SNTG1: variants seen among roughly 807,000 people sequenced by gnomAD.
SNTG1 encodes syntrophin gamma 1, also known as gamma-1-syntrophin.
SNTG1 carries 39 observed loss-of-function variants against 74.7 expected under a neutral mutation model. That is an observed-to-expected ratio of 0.52 (90% CI 0.40 to 0.68). SNTG1 has a LOEUF of 0.68. SNTG1 is among the 30% of genes least tolerant of loss of function. The pLI, the probability that SNTG1 is intolerant of heterozygous loss-of-function variation, is 0.00. For missense variants in SNTG1, 685 were observed against 609.5 expected (o/e 1.12, Z -1.30); for synonymous variants, 254 against 217.1 (o/e 1.17, Z -1.49).
intron 13 of SNTG1, among the ~76,000 whole-genome samples, chr8:50,651,970 G>A (rs568971448): frequency 2.7e-5 from 4 of 145,700 alleles, no homozygotes; most frequent in African/African-American, 5.1e-5. Context: ...GGGTGGTCTC[G>A]AACCCCCGAC....
chr8:50,023,591 A>G (rs979635343), intron 1 of SNTG1, among the ~76,000 whole-genome samples: 18 of 152,120 alleles, frequency 1.2e-4, no homozygotes, highest in Non-Finnish European at 2.4e-4. Flanking sequence ...ATTTCATGCC[A>G]TTCCTGAAAT....
chr8:50,314,891 T>C (rs1161967598), intron 2 of SNTG1, among the ~76,000 whole-genome samples: 1 of 149,816 alleles, frequency 6.7e-6, no homozygotes, highest in East Asian at 2.0e-4. Context: ...GGTGAACTTT[T>C]CTGTCTACTA....
chr8:50,512,012 G>T lies in SNTG1; in HGVS notation c.466+9132G>T, dbSNP rs185267308. On this transcript the variant is annotated intron_variant, in intron 9 of 18. Coordinates refer to ENST00000642720, the MANE Select transcript of SNTG1 (RefSeq NM_018967.5). The stretch of plus-strand genomic sequence containing the variant: ...GTTGATGCAGTTTCTTCCTAGCCTC[G>T]ATGGTCTTTACAATTTGGCATGTTT... Among the ~76,000 whole-genome samples, 762 of 152,102 alleles carry T rather than the reference G, an allele frequency of 5.0e-3. 5 individuals are homozygous for T. Among genetic ancestry groups the T allele is most frequent in the Middle Eastern group, 6.9e-3 (2 of 290 alleles).
intron 9 of SNTG1, among the ~76,000 whole-genome samples, chr8:50,518,648 T>C (rs1225358084): frequency 1.3e-5 from 2 of 151,882 alleles, no homozygotes; most frequent in Non-Finnish European, 2.9e-5. Context: ...CAGAAATATA[T>C]TACTACTATC....
intron 8 of SNTG1, among the ~76,000 whole-genome samples, chr8:50,452,903 G>A (rs1329470883): frequency 1.3e-5 from 2 of 152,168 alleles, no homozygotes; most frequent in African/African-American, 4.8e-5. Flanking sequence ...GCAGAAAAAG[G>A]TATAACAAGC....
chr8:50,068,110 G>A (rs781200560), intron 1 of SNTG1, among the ~76,000 whole-genome samples: 8 of 152,160 alleles, frequency 5.3e-5, no homozygotes, highest in Non-Finnish European at 1.0e-4. Flanking sequence ...CATAATAGAT[G>A]TAAAGGAACA....
At chr8:50,071,623 C>T (rs1170364348) in intron 1 of SNTG1, among the ~76,000 whole-genome samples, 1 of 151,872 alleles carries the variant, frequency 6.6e-6, no homozygotes, top group African/African-American at 2.4e-5. Context: ...GGATTATAGG[C>T]TCACACCACC....
intron 13 of SNTG1, among the ~76,000 whole-genome samples, chr8:50,604,598 G>C (rs2094799126): frequency 6.6e-6 from 1 of 152,038 alleles, no homozygotes; most frequent in African/African-American, 2.4e-5. Flanking sequence ...GCTCTTCAGT[G>C]TGCTTGTGGT....
intron 4 of SNTG1, among the ~76,000 whole-genome samples, chr8:50,430,917 A>G (rs2093227617): frequency 1.3e-5 from 2 of 152,162 alleles, no homozygotes; most frequent in African/African-American, 4.8e-5. Context: ...TCTTCACACC[A>G]TACCCTGATG....
intron 8 of SNTG1, among the ~76,000 whole-genome samples, chr8:50,484,014 A>G (rs1395862962): frequency 6.6e-6 from 1 of 152,178 alleles, no homozygotes; most frequent in Non-Finnish European, 1.5e-5. Context: ...ATGTGGTTAT[A>G]TCAAATATGT....
chr8:50,599,377 T>G (rs1382711642), intron 13 of SNTG1, among the ~76,000 whole-genome samples: 1 of 152,080 alleles, frequency 6.6e-6, no homozygotes, highest in African/African-American at 2.4e-5. Flanking sequence ...ATTTTAGGAT[T>G]GTTTTTCTAT....
Position 50,394,156 on chromosome 8 carries a change from T to C in SNTG1, c.-27-56T>C. On this transcript the variant is annotated intron_variant, in intron 2 of 18. Transcript: ENST00000642720. ...CACGATTTCCTCCACTATATTAGTG[T>C]TCTCTCTTACATGCCATGCTGTGCC... is the stretch of plus-strand genomic sequence containing the variant. 4.3e-6 allele frequency: 6 copies of C among 1,401,846 alleles called. 1 individual carries two copies. The South Asian group carries it at 7.4e-5, about 17-fold the overall frequency. The allele number at this position is 1,401,846 out of a possible 1,614,324, so 86.8% of individuals were successfully genotyped here. A position where few individuals can be genotyped will look rare whatever the true frequency, so the allele number is the denominator to read the frequency against.
chr8:50,501,435 T>G (rs937799037), intron 8 of SNTG1, among the ~76,000 whole-genome samples: 68 of 125,612 alleles, frequency 5.4e-4, no homozygotes, highest in Non-Finnish European at 9.1e-4. Flanking sequence ...GTTTTTTTTT[T>G]TTTTTTTTTT....
chr8:49,914,269 G>T (rs1237134139), intron 1 of SNTG1, among the ~76,000 whole-genome samples: 3 of 151,772 alleles, frequency 2.0e-5, no homozygotes, highest in Non-Finnish European at 4.4e-5. Flanking sequence ...CCCCACTAAG[G>T]GCATCTATTT....
chr8:50,567,917 C>T (rs1446433746), intron 12 of SNTG1, among the ~76,000 whole-genome samples: 1 of 151,938 alleles, frequency 6.6e-6, no homozygotes, highest in African/African-American at 2.4e-5. Flanking sequence ...TTGCTCTAGT[C>T]ACCCTACTAT....
chr8:50,305,657 TTGTC>T (rs1421441816), intron 2 of SNTG1, among the ~76,000 whole-genome samples: 7 of 152,024 alleles, frequency 4.6e-5, no homozygotes, highest in Non-Finnish European at 5.9e-5. Context: ...TTAGATCACT[TTGTC>T]TGTTACTTTT....
At chr8:50,377,767 A>G (rs1587385857) in intron 2 of SNTG1, among the ~76,000 whole-genome samples, 1 of 152,250 alleles carries the variant, frequency 6.6e-6, no homozygotes, top group African/African-American at 2.4e-5. Context: ...TGAAGCCCAC[A>G]TAAAATATCA....
chr8:50,536,646 A>T (rs1184151103), intron 10 of SNTG1, 32 bp from the exon 11 acceptor site: 35 of 1,605,048 alleles, frequency 2.2e-5, no homozygotes, highest in Non-Finnish European at 2.8e-5. Flanking sequence ...ACAGAAGAAA[A>T]AAATTACGTT....
At chr8:50,337,110 T>C (rs1024623161) in intron 2 of SNTG1, among the ~76,000 whole-genome samples, 3 of 152,202 alleles carry the variant, frequency 2.0e-5, no homozygotes, top group African/African-American at 7.2e-5. Flanking sequence ...AGGCTGCTTG[T>C]TTCTGCTCTT....
Sources: gnomAD v4.1 joint callset for allele counts (sites outside exome capture counted in the v4.1 genomes callset) on GRCh38, gnomAD v4.1.1 for gene constraint, MANE v1.5 for transcripts, NCBI Gene and HGNC (gene_info 2026-07-23, HGNC 2026-07-21) for gene names.